The following NRP1 variants were observed in gnomAD, a reference collection of about 807,000 sequenced individuals.
The protein encoded by NRP1 is neuropilin 1.
A neutral mutation model predicts 106.7 loss-of-function variants in NRP1; 35 were observed. The ratio of observed to expected loss-of-function variants is 0.33; its 90% CI spans 0.25 to 0.43. The LOEUF (loss-of-function observed/expected upper bound fraction) is 0.43. Among genes scored for constraint, NRP1 ranks in the 20% least tolerant of loss-of-function variants. The probability of loss-of-function intolerance (pLI) is 1.00; values close to 1 mark genes in which losing one functional copy is unlikely to be tolerated. For synonymous variants in NRP1, 437 were observed against 417.9 expected, an observed-to-expected ratio of 1.05 and a Z score of -0.56; for missense variants, 1,024 against 1,170.4, an observed-to-expected ratio of 0.87 and a Z score of 1.83.
chr10:33,286,817 C>T (rs1023196236), intron 2 of NRP1, among the ~76,000 whole-genome samples: 4 of 152,064 alleles, frequency 2.6e-5, no homozygotes, highest in African/African-American at 9.7e-5. Context: ...ACCCAAGCAA[C>T]TAGGCAATTT....
chr10:33,267,163 A>G (rs879491869), intron 3 of NRP1, among the ~76,000 whole-genome samples: 75 of 152,186 alleles, frequency 4.9e-4, no homozygotes, highest in African/African-American at 1.8e-3. Flanking sequence ...AGGCCTACCC[A>G]GAAGCTGAGC....
In NRP1 at chr10:33,186,310, C is replaced by G. The variant is rs1350476471; in HGVS notation, c.2241G>C (p.Glu747Asp). The G allele has an allele frequency of 1.2e-6, 2 of 1,614,030 alleles. No individual in the cohort carries two copies. Among genetic ancestry groups the G allele is most frequent in the Non-Finnish European group, 1.7e-6 (2 of 1,180,038 alleles). The change falls in exon 14 of 17, where the codon GAG becomes GAC. Residue 747 changes from glutamate (E) to aspartate (D), a missense_variant. This residue lies in a region of NRP1 where 562 missense variants were observed against 620.3 expected (regional missense o/e 0.91). Coordinates refer to ENST00000374867, the MANE Select transcript of NRP1 (RefSeq NM_003873.7). ...RVKLRYQKPE[E>D]YDQLVWMAIG... is the part of the protein sequence containing the mutation. ...TGGCCATCCAGACCAGCTGATCGTACTCCTCTGGCTTCTGGTAGCGCAGTT... is the reference window on the plus strand; with the variant it reads ...TGGCCATCCAGACCAGCTGATCGTAGTCCTCTGGCTTCTGGTAGCGCAGTT...
chr10:33,333,148 A>AT (rs901129515), intron 1 of NRP1, among the ~76,000 whole-genome samples: 1 of 152,144 alleles, frequency 6.6e-6, no homozygotes, highest in African/African-American at 2.4e-5. Flanking sequence ...TACATTCATA[A>AT]TTTTTTGTGT....
chr10:33,248,394 G>T (rs1336686927), intron 6 of NRP1, among the ~76,000 whole-genome samples: 1 of 152,184 alleles, frequency 6.6e-6, no homozygotes, highest in Non-Finnish European at 1.5e-5. Flanking sequence ...CAACCCTAAA[G>T]GCCATTTAGA....
chr10:33,186,237 T>C lies in NRP1; in HGVS notation c.2314A>G (p.Lys772Glu), dbSNP rs757021030. ...HWKEGRVLLHKSLKLYQVIFE... is the reference protein window; with the variant it reads ...HWKEGRVLLHESLKLYQVIFE... ...CATACCTGATAAAGTTTCAGAGACTTGTGGAGCAAGACACGCCCTTCCTTC... is the reference window on the plus strand; with the variant it reads ...CATACCTGATAAAGTTTCAGAGACTCGTGGAGCAAGACACGCCCTTCCTTC... Residue 772 changes from lysine (K) to glutamate (E), a missense_variant, in exon 14 of 17, where the codon AAG becomes GAG. This residue lies in a region of NRP1 where 13 missense variants were observed against 34.7 expected (regional missense o/e 0.38). Transcript: ENST00000374867. The C allele has an allele frequency of 1.2e-6, 2 of 1,607,790 alleles. No individual in the cohort carries two copies. Among genetic ancestry groups the C allele is most frequent in the South Asian group, 1.1e-5 (1 of 90,406 alleles).
intron 7 of NRP1, among the ~76,000 whole-genome samples, chr10:33,223,328 G>T (rs1369498699): frequency 6.6e-6 from 1 of 152,174 alleles, no homozygotes; most frequent in African/African-American, 2.4e-5. Context: ...ATGCTTTACA[G>T]AGTTGGTTGT....
intron 3 of NRP1, among the ~76,000 whole-genome samples, chr10:33,265,123 A>G (rs1463535845): frequency 1.3e-5 from 2 of 151,350 alleles, no homozygotes. Context: ...CAAAAAACAA[A>G]CAAACAAACA....
At position 33,178,433 on chromosome 10, in the gene NRP1, CATTT is replaced by C. The variant is rs1835494093; in HGVS notation, c.*1639_*1642del. ...GCCGCTGGAAGTTTCTAGAAGCATT[CATTT>C]AAGTCTATTTTTTCAAGGTTGCTGT... On this transcript the variant is annotated 3_prime_UTR_variant, in exon 17 of 17. Transcript: ENST00000374867. 2 of 152,176 alleles carry C rather than the reference CATTT, an allele frequency of 1.3e-5. No individual in the cohort carries two copies. The highest frequency in any genetic ancestry group is 4.8e-5 in the African/African-American group (2 of 41,450). 9.4% of individuals were successfully genotyped at this position (152,176 alleles called of 1,614,324 possible).
chr10:33,182,282 G>C (rs190195914), intron 16 of NRP1, among the ~76,000 whole-genome samples: 120 of 152,298 alleles, frequency 7.9e-4, no homozygotes, highest in African/African-American at 2.8e-3. Context: ...AAAGATCCTA[G>C]CTGGATATCA....
At chr10:33,232,257 A>T (rs1840197898) in intron 6 of NRP1, among the ~76,000 whole-genome samples, 1 of 152,178 alleles carries the variant, frequency 6.6e-6, no homozygotes, top group South Asian at 2.1e-4. Flanking sequence ...CTTTCCATAA[A>T]AATTCAGACA....
intron 6 of NRP1, among the ~76,000 whole-genome samples, chr10:33,245,384 A>G (rs1397658775): frequency 6.6e-6 from 1 of 152,202 alleles, no homozygotes; most frequent in Non-Finnish European, 1.5e-5. Flanking sequence ...CCTATCTTGC[A>G]CAGGTCAATC....
intron 13 of NRP1, among the ~76,000 whole-genome samples, chr10:33,186,774 G>C (rs1313627651): frequency 3.9e-5 from 6 of 152,208 alleles, no homozygotes; most frequent in African/African-American, 1.2e-4. Context: ...TATGCCTCAA[G>C]CTGGCATTTG....
At chr10:33,182,776 A>C in intron 15 of NRP1, 28 bp from the exon 16 acceptor site, 4 of 1,562,736 alleles carry the variant, frequency 2.6e-6, no homozygotes, top group Non-Finnish European at 3.5e-6. Context: ...ATTGAAAGAG[A>C]TATTTGAACT....
chr10:33,291,663 C>T (rs1845003596), intron 2 of NRP1, among the ~76,000 whole-genome samples: 1 of 152,044 alleles, frequency 6.6e-6, no homozygotes, highest in Non-Finnish European at 1.5e-5. Flanking sequence ...GAATTCTAGA[C>T]GTAAACTCAA....
chr10:33,193,020 A>G lies in NRP1; in HGVS notation c.1925-602T>C, dbSNP rs550942875. ...ATAAGGTCGATTAATTTAAGTATAAATTTCTGCTTTTTTAATTTCTAAATT... is the reference window on the plus strand; with the variant it reads ...ATAAGGTCGATTAATTTAAGTATAAGTTTCTGCTTTTTTAATTTCTAAATT... On this transcript the variant is annotated intron_variant, in intron 12 of 16. Coordinates refer to ENST00000374867, the MANE Select transcript of NRP1 (RefSeq NM_003873.7). 2.6e-5 allele frequency among the ~76,000 whole-genome samples: 4 copies of G among 152,150 alleles called. No homozygotes were observed. The East Asian group carries it at 5.8e-4, about 22-fold the overall frequency.
intron 6 of NRP1, among the ~76,000 whole-genome samples, chr10:33,244,848 T>G (rs1841301265): frequency 6.6e-6 from 1 of 152,232 alleles, no homozygotes; most frequent in Non-Finnish European, 1.5e-5. Context: ...AATTTCAGTC[T>G]TATTTTGCCT....
intron 14 of NRP1, 99 bp from the exon 15 acceptor site, chr10:33,185,823 A>G (rs12768811): frequency 0.015 from 15,284 of 1,019,422 alleles, 150 homozygotes; most frequent in Non-Finnish European, 0.019. Flanking sequence ...CATAAATTAA[A>G]TTCATCAGAT....
intron 2 of NRP1, among the ~76,000 whole-genome samples, chr10:33,288,026 C>A (rs2132605899): frequency 6.6e-6 from 1 of 152,228 alleles, no homozygotes; most frequent in South Asian, 2.1e-4. Context: ...CTAACCCAAA[C>A]TTGGTAAAGA....
At chr10:33,244,591 C>T (rs1471951982) in intron 6 of NRP1, among the ~76,000 whole-genome samples, 1 of 152,100 alleles carries the variant, frequency 6.6e-6, no homozygotes, top group Non-Finnish European at 1.5e-5. Context: ...AGATATGAAA[C>T]TGGTTGGTAA....
Sources: gnomAD v4.1 joint callset for allele counts (sites outside exome capture counted in the v4.1 genomes callset) on GRCh38, gnomAD v4.1.1 for gene constraint, gnomAD v4.1.1 regional missense constraint, MANE v1.5 for transcripts, NCBI Gene and HGNC (gene_info 2026-07-23, HGNC 2026-07-21) for gene names.